SLC35D4: variants seen among roughly 807,000 people sequenced by gnomAD.
The protein encoded by SLC35D4 is solute carrier family 35 member D4, also known as UDP-N-acetylglucosamine transporter SLC35D4.
the SLC35D4 span, among the ~76,000 whole-genome samples, chr18:23,422,591 GC>G: frequency 6.6e-6 from 1 of 151,930 alleles, no homozygotes; most frequent in Non-Finnish European, 1.5e-5. Flanking sequence ...CTCCAAGGTT[GC>G]CCCCCATCCA....
At chr18:23,377,806 G>A in the SLC35D4 span, 2 of 746,636 alleles carry the variant, frequency 2.7e-6, no homozygotes, top group South Asian at 3.4e-5. Context: ...CTGCACTTTA[G>A]TATTTATTGA....
the SLC35D4 span, among the ~76,000 whole-genome samples, chr18:23,390,074 C>T: frequency 1.5e-4 from 23 of 152,298 alleles, no homozygotes; most frequent in East Asian, 2.5e-3. Context: ...GTGCTTACTA[C>T]GTGTCAGACA....
chr18:23,414,174 GA>G, the SLC35D4 span, among the ~76,000 whole-genome samples: 1 of 151,908 alleles, frequency 6.6e-6, no homozygotes, highest in South Asian at 2.1e-4. Flanking sequence ...AGAATCGCTT[GA>G]ACAGGGCAGC....
the SLC35D4 span, among the ~76,000 whole-genome samples, chr18:23,390,363 C>T: frequency 6.6e-6 from 1 of 152,160 alleles, no homozygotes; most frequent in Non-Finnish European, 1.5e-5. Flanking sequence ...ACATCAGGAA[C>T]CATAAAGCCC....
chr18:23,353,143 G>A, the SLC35D4 span, among the ~76,000 whole-genome samples: 3 of 150,204 alleles, frequency 2.0e-5, no homozygotes, highest in African/African-American at 4.9e-5. Context: ...GAGAGAGAAA[G>A]GCTGACTTCA....
the SLC35D4 span, among the ~76,000 whole-genome samples, chr18:23,386,139 A>AG: frequency 1.3e-5 from 2 of 151,484 alleles, no homozygotes; most frequent in Non-Finnish European, 2.9e-5. Context: ...AAAAAAAAAA[A>AG]AAAAAAAAGA....
At chr18:23,374,252 C>T in the SLC35D4 span, among the ~76,000 whole-genome samples, 2 of 152,150 alleles carry the variant, frequency 1.3e-5, no homozygotes, top group East Asian at 3.9e-4. Flanking sequence ...GAGGCAGATC[C>T]ACATTGTGTG....
the SLC35D4 span, among the ~76,000 whole-genome samples, chr18:23,423,384 T>G: frequency 2.0e-5 from 3 of 152,168 alleles, no homozygotes; most frequent in African/African-American, 7.2e-5. Flanking sequence ...CAGGCAATCT[T>G]CCCCTCCAGG....
At chr18:23,384,913 T>C in the SLC35D4 span, 5 of 1,347,024 alleles carry the variant, frequency 3.7e-6, no homozygotes, top group East Asian at 2.3e-5. Context: ...AGACACTAAT[T>C]TGGGCCATAA....
the SLC35D4 span, among the ~76,000 whole-genome samples, chr18:23,317,426 C>T: frequency 7.6e-4 from 116 of 152,244 alleles, no homozygotes; most frequent in African/African-American, 2.7e-3. Flanking sequence ...ATCACTATCT[C>T]GATCATCTTA....
chr18:23,307,483 A>G, the SLC35D4 span, among the ~76,000 whole-genome samples: 1 of 152,192 alleles, frequency 6.6e-6, no homozygotes, highest in Non-Finnish European at 1.5e-5. Context: ...TTGTGTAGAG[A>G]GTTCAGGGGT....
chr18:23,244,880 C>G, the SLC35D4 span, among the ~76,000 whole-genome samples: 1 of 152,218 alleles, frequency 6.6e-6, no homozygotes, highest in African/African-American at 2.4e-5. Flanking sequence ...CTCACATCTG[C>G]TTAGAACTGC....
At chr18:23,354,513 C>T in the SLC35D4 span, among the ~76,000 whole-genome samples, 17 of 136,272 alleles carry the variant, frequency 1.2e-4, no homozygotes, top group African/African-American at 4.4e-4. Context: ...GAGCGAGATT[C>T]CGTCTCAAAA....
At chr18:23,370,142 G>T in the SLC35D4 span, 1 of 1,339,138 alleles carries the variant, frequency 7.5e-7, no homozygotes, top group Non-Finnish European at 1.0e-6. Context: ...CCGCGCCATT[G>T]CACTCCAGAT....
the SLC35D4 span, among the ~76,000 whole-genome samples, chr18:23,283,471 CAA>C: frequency 5.4e-4 from 24 of 44,446 alleles, no homozygotes; most frequent in Middle Eastern, 0.014. Context: ...GACCCAGTCT[CAA>C]AAAAAAAAAA....
chr18:23,287,257 C>T, the SLC35D4 span, among the ~76,000 whole-genome samples: 9 of 152,152 alleles, frequency 5.9e-5, 1 homozygote, highest in South Asian at 1.9e-3. Flanking sequence ...CTCTCCTATC[C>T]TCAATACCTC....
the SLC35D4 span, chr18:23,437,678 A>C: frequency 8.2e-7 from 1 of 1,225,488 alleles, no homozygotes; most frequent in Middle Eastern, 1.9e-4. Context: ...CGCCACCAGG[A>C]AGAATGAGGT....
At chr18:23,281,660 TAAG>T in the SLC35D4 span, among the ~76,000 whole-genome samples, 7 of 152,134 alleles carry the variant, frequency 4.6e-5, no homozygotes, top group Non-Finnish European at 8.8e-5. Context: ...TCTGTGTGTC[TAAG>T]AAGACACAGG....
At chr18:23,385,115 A>C in the SLC35D4 span, 111 of 1,545,366 alleles carry the variant, frequency 7.2e-5, no homozygotes, top group Non-Finnish European at 8.8e-5. Flanking sequence ...CTTCGATCTC[A>C]TAATCATATG....
Sources: gnomAD v4.1 joint callset for allele counts (sites outside exome capture counted in the v4.1 genomes callset) on GRCh38, gnomAD v4.1.1 for gene constraint, MANE v1.5 for transcripts, NCBI Gene and HGNC (gene_info 2026-07-23, HGNC 2026-07-21) for gene names.